The following BRD9 variants were observed in gnomAD, a reference collection of about 807,000 sequenced individuals.
BRD9 encodes bromodomain-containing protein 9.
Under a neutral mutation model 68.7 loss-of-function variants are expected in BRD9, and 47 were observed. The ratio of observed to expected loss-of-function variants is 0.68; its 90% confidence interval spans 0.54 to 0.87. The LOEUF is 0.87. Ranked by LOEUF, BRD9 falls within the 40% of genes least tolerant of loss-of-function variation. The pLI, the probability that BRD9 is intolerant of heterozygous loss-of-function variation, is 0.00. For missense variants in BRD9, 670 were observed against 748.4 expected (o/e 0.90, Z 1.22); for synonymous variants, 313 against 293.9 (o/e 1.06, Z -0.67).
intron 12 of BRD9, among the ~76,000 whole-genome samples, chr5:871,869 T>C (rs1750187041): frequency 6.6e-6 from 1 of 152,206 alleles, no homozygotes; most frequent in Non-Finnish European, 1.5e-5. Flanking sequence ...CTTGGGTGGC[T>C]TAAAACAAAA....
chr5:889,161 C>G lies in BRD9; in HGVS notation c.466G>C (p.Asp156His). The stretch of plus-strand genomic sequence containing the variant: ...GGAAAAGCAAAAAATCCATGGGGAT[C>G]TTTTCTGAAAGCAAAGACATCTTAA... The part of the protein sequence containing the change: ...EHFLRQLQRK[D>H]PHGFFAFPVT... Residue 156 changes from aspartate (D) to histidine (H), a missense_variant, in exon 5 of 16, where the codon GAT (aspartate) becomes CAT (histidine). Coordinates refer to ENST00000467963, the MANE Select transcript of BRD9 (RefSeq NM_023924.5). The G allele has an allele frequency of 1.2e-6, 2 of 1,607,724 alleles. No individual in the cohort carries two copies. The highest frequency in any genetic ancestry group is 1.7e-6 in the Non-Finnish European group (2 of 1,178,646).
chr5:870,277 A>T (rs542143906), intron 14 of BRD9, 196 bp downstream of exon 14: 40 of 565,896 alleles, frequency 7.1e-5, no homozygotes, highest in Admixed American at 1.2e-4. Flanking sequence ...AGCTTAAAAA[A>T]GACACAACAC....
At chr5:892,413 G>A in intron 1 of BRD9, 193 bp downstream of exon 1, 1 of 1,281,354 alleles carries the variant, frequency 7.8e-7, no homozygotes, top group Non-Finnish European at 1.0e-6. Context: ...AGGAACGTAA[G>A]CGCCTACCCA....
At chr5:888,012 G>A (rs1409781393) in intron 5 of BRD9, among the ~76,000 whole-genome samples, 1 of 152,168 alleles carries the variant, frequency 6.6e-6, no homozygotes, top group Non-Finnish European at 1.5e-5. Context: ...TATTATGAGA[G>A]GCCAGTTTCC....
Position 863,927 on chromosome 5 carries a change from G to C in BRD9, c.*541C>G, listed in dbSNP as rs1748964095. On this transcript the variant is annotated 3_prime_UTR_variant, in exon 16 of 16. Transcript: ENST00000467963. ...GGCCTGCCTGGGAGACACAAACTAT[G>C]ACAGGAACACACTGGACTGATACAG... 6.6e-6 allele frequency: 1 copy of C among 152,600 alleles called. No individual in the cohort carries two copies. The highest frequency in any genetic ancestry group is 1.9e-4 in the East Asian group (1 of 5,186). 9.5% of individuals were successfully genotyped at this position (152,600 alleles called of 1,614,324 possible). A position where few individuals can be genotyped will look rare whatever the true frequency, so the allele number is the denominator to read the frequency against.
In BRD9 at chr5:889,549, C is replaced by T. The variant is rs751006610; in HGVS notation, c.461+38G>A. 11 of 1,607,472 alleles carry T rather than the reference C, an allele frequency of 6.8e-6. No individual in the cohort carries two copies. In the Admixed American group the frequency reaches 8.4e-5, roughly 12 times the overall value. On this transcript the variant is annotated intron_variant, in intron 4 of 15. Transcript: ENST00000467963. ...GCCTCAGAAAAGATGACACCACACCCCCCCAGACACTAGCTCTTCAGAAAC... is the reference window on the plus strand; with the variant it reads ...GCCTCAGAAAAGATGACACCACACCTCCCCAGACACTAGCTCTTCAGAAAC...
At chr5:883,630 C>G in intron 8 of BRD9, 1 of 462,208 alleles carries the variant, frequency 2.2e-6, no homozygotes, top group Non-Finnish European at 4.0e-6. Flanking sequence ...GACAGAGACA[C>G]AGAAGTCAGC....
At chr5:884,852 G>A (rs938132795) in intron 7 of BRD9, among the ~76,000 whole-genome samples, 6 of 152,260 alleles carry the variant, frequency 3.9e-5, no homozygotes, top group Non-Finnish European at 7.3e-5. Flanking sequence ...AGGCACCTGC[G>A]TGAGCCCATT....
intron 12 of BRD9, among the ~76,000 whole-genome samples, chr5:874,930 G>T (rs73733909): frequency 0.037 from 5,706 of 152,278 alleles, 330 homozygotes; most frequent in African/African-American, 0.13. Flanking sequence ...AGCAGGAGGA[G>T]GAAGAGGCAG....
intron 1 of BRD9, chr5:892,364 G>A (rs930927270): frequency 6.8e-6 from 6 of 885,838 alleles, no homozygotes; most frequent in Non-Finnish European, 8.0e-6. Context: ...CAGGACCGGG[G>A]TGAGTGGGCT....
chr5:871,069 C>T lies in BRD9; in HGVS notation c.1422+457G>A, dbSNP rs73731000. Among the ~76,000 whole-genome samples the T allele has an allele frequency of 9.9e-4, 151 of 152,330 alleles. 1 individual carries two copies. The highest frequency in any genetic ancestry group is 3.6e-3 in the African/African-American group (150 of 41,582). ...ATGTTAAGGGGTCTCTCCAGGTTCC[C>T]AGGGACCCTGGACCAAAGCCCAAGC... On this transcript the variant is annotated intron_variant, in intron 13 of 15. Coordinates refer to ENST00000467963, the MANE Select transcript of BRD9 (RefSeq NM_023924.5).
intron 1 of BRD9, chr5:892,338 A>G: frequency 1.4e-6 from 1 of 717,214 alleles, no homozygotes; most frequent in Non-Finnish European, 2.1e-6. Context: ...GCCAGCACAG[A>G]TGCTTCCCTA....
chr5:889,352 C>T (rs929008311), intron 4 of BRD9, among the ~76,000 whole-genome samples, 187 bp from the exon 5 acceptor site: 1 of 152,148 alleles, frequency 6.6e-6, no homozygotes, highest in Admixed American at 6.5e-5. Flanking sequence ...CGCATCCTGG[C>T]GGCCATCAAT....
At chr5:875,199 C>T (rs1750725487) in intron 12 of BRD9, among the ~76,000 whole-genome samples, 1 of 152,198 alleles carries the variant, frequency 6.6e-6, no homozygotes, top group Non-Finnish European at 1.5e-5. Context: ...CCCGAAGCAT[C>T]TTCTTCTTCC....
At chr5:875,002 C>T (rs1215735554) in intron 12 of BRD9, among the ~76,000 whole-genome samples, 1 of 152,204 alleles carries the variant, frequency 6.6e-6, no homozygotes, top group African/African-American at 2.4e-5. Context: ...AAACTACAGA[C>T]AGATCCAAGA....
At chr5:888,310 C>A (rs1752863833) in intron 5 of BRD9, 1 of 152,360 alleles carries the variant, frequency 6.6e-6, no homozygotes, top group African/African-American at 2.4e-5. Context: ...GTGCTCTTAA[C>A]ATCTACCCTC....
intron 15 of BRD9, 44 bp downstream of exon 15, chr5:865,368 CTG>C (rs1749226574): frequency 1.3e-6 from 2 of 1,518,034 alleles, no homozygotes; most frequent in South Asian, 1.2e-5. Context: ...GTCACACTGA[CTG>C]TGCTGGGGTC....
chr5:870,553 C>G lies in BRD9; in HGVS notation c.1445G>C (p.Ser482Thr). 6.2e-7 allele frequency: 1 copy of G among 1,614,088 alleles called. No homozygotes were observed. Among genetic ancestry groups the G allele is most frequent in the African/African-American group, 1.3e-5 (1 of 75,050 alleles). ...EAKVGDTLGD[S>T]SSSVLEFMSM... Reference sequence around the variant, plus strand: ...CATGAACTCCAGAACAGAGCTGCTGCTGTCTCCTAGGGTGTCCCCAACCTG... The same window carrying G: ...CATGAACTCCAGAACAGAGCTGCTGGTGTCTCCTAGGGTGTCCCCAACCTG... Residue 482 changes from serine (S) to threonine (T), a missense_variant, in exon 14 of 16, where the codon AGC becomes ACC. This residue lies in a region of BRD9 where 280 missense variants were observed against 281.5 expected (regional missense o/e 0.99). Coordinates refer to ENST00000467963, the MANE Select transcript of BRD9 (RefSeq NM_023924.5).
chr5:869,051 G>A (rs1341270260), intron 14 of BRD9: 2 of 266,330 alleles, frequency 7.5e-6, no homozygotes, highest in African/African-American at 4.7e-5. Flanking sequence ...CTATCAAATG[G>A]GGTTCCCAGA....
Sources: allele counts gnomAD v4.1 joint callset (sites outside exome capture counted in the v4.1 genomes callset), GRCh38; gene constraint gnomAD v4.1.1; regional missense constraint gnomAD v4.1.1; transcripts MANE v1.5; gene names NCBI Gene and HGNC (gene_info 2026-07-23, HGNC 2026-07-21).